KCTD16: variants seen among roughly 807,000 people sequenced by gnomAD.
KCTD16 encodes BTB/POZ domain-containing protein KCTD16.
KCTD16 carries 13 observed loss-of-function variants against 33.2 expected under a neutral mutation model. The ratio of observed to expected loss-of-function variants is 0.39; its 90% confidence interval spans 0.25 to 0.62. The LOEUF (loss-of-function observed/expected upper bound fraction) is 0.62. KCTD16 is among the 20% of genes least tolerant of loss of function. The pLI, the probability that KCTD16 is intolerant of heterozygous loss-of-function variation, is 0.50. For missense variants in KCTD16, 441 were observed against 525.1 expected (o/e 0.84, Z 1.57); for synonymous variants, 197 against 195.3 (o/e 1.01, Z -0.07).
chr5:144,411,686 A>G (rs985809328), intron 3 of KCTD16, among the ~76,000 whole-genome samples: 1 of 152,186 alleles, frequency 6.6e-6, no homozygotes, highest in Non-Finnish European at 1.5e-5. Context: ...CGGCAAATAG[A>G]ATTACATCAA....
intron 3 of KCTD16, among the ~76,000 whole-genome samples, chr5:144,214,478 A>G (rs1199175459): frequency 6.6e-6 from 1 of 152,126 alleles, no homozygotes. Flanking sequence ...TTTAACATGA[A>G]CCACATCCTT....
chr5:144,399,839 T>C lies in KCTD16; in HGVS notation c.833-73821T>C, dbSNP rs547481259. ...GCTTGATGTGAGCAAAGATCTAAGA[T>C]TGATTCTATCTCTGATAGCAGAGAA... On this transcript the variant is annotated intron_variant, in intron 3 of 3. Coordinates refer to ENST00000512467, the MANE Select transcript of KCTD16 (RefSeq NM_020768.4). Among the ~76,000 whole-genome samples, 14 of 152,324 alleles carry C rather than the reference T, an allele frequency of 9.2e-5. No individual in the cohort carries two copies. In the South Asian group the frequency reaches 2.5e-3, roughly 27 times the overall value.
At chr5:144,235,784 A>C (rs1382642594) in intron 3 of KCTD16, among the ~76,000 whole-genome samples, 9 of 152,130 alleles carry the variant, frequency 5.9e-5, no homozygotes, top group Non-Finnish European at 1.3e-4. Context: ...CCATGGAAAT[A>C]AGGCTTATGC....
intron 3 of KCTD16, among the ~76,000 whole-genome samples, chr5:144,299,127 TATATATATATATATATA>T (rs1561558651): frequency 1.1e-4 from 3 of 26,192 alleles, no homozygotes; most frequent in African/African-American, 6.9e-4. Context: ...TATATATATA[TATATATATATATATATA>T]TATATTTTTT....
chr5:144,237,110 C>G (rs533373481), intron 3 of KCTD16, among the ~76,000 whole-genome samples: 21 of 152,120 alleles, frequency 1.4e-4, no homozygotes, highest in African/African-American at 5.1e-4. Flanking sequence ...GTTCTAGGTT[C>G]TTGGGCATTC....
chr5:144,215,158 A>G (rs1456993931), intron 3 of KCTD16, among the ~76,000 whole-genome samples: 3 of 152,054 alleles, frequency 2.0e-5, no homozygotes, highest in Non-Finnish European at 4.4e-5. Context: ...AAGGTGCTCT[A>G]CTCTTCGCAC....
intron 2 of KCTD16, among the ~76,000 whole-genome samples, chr5:144,187,912 G>A (rs1045398872): frequency 3.3e-5 from 5 of 152,114 alleles, no homozygotes; most frequent in Non-Finnish European, 7.4e-5. Context: ...AAAAATATTT[G>A]CACAAGCCAT....
intron 3 of KCTD16, among the ~76,000 whole-genome samples, chr5:144,444,209 C>T (rs1046821028): frequency 2.0e-5 from 3 of 149,918 alleles, no homozygotes; most frequent in African/African-American, 5.1e-5. Flanking sequence ...ACCCCTCCCC[C>T]CTCCACACAC....
chr5:144,461,931 G>A (rs960054488), intron 3 of KCTD16, among the ~76,000 whole-genome samples: 1 of 152,128 alleles, frequency 6.6e-6, no homozygotes, highest in Non-Finnish European at 1.5e-5. Flanking sequence ...CAGAAAGACT[G>A]CCAGAACTTC....
At chr5:144,242,331 A>G (rs1282995818) in intron 3 of KCTD16, among the ~76,000 whole-genome samples, 1 of 152,102 alleles carries the variant, frequency 6.6e-6, no homozygotes, top group Non-Finnish European at 1.5e-5. Context: ...TAAGCATTTC[A>G]CCATATGGTA....
chr5:144,484,306 A>G lies in KCTD16; in HGVS notation c.*10192A>G, dbSNP rs942079819. 2 of 151,894 alleles carry G rather than the reference A, an allele frequency of 1.3e-5. No individual in the cohort carries two copies. The highest frequency in any genetic ancestry group is 4.8e-5 in the African/African-American group (2 of 41,400). 9.4% of individuals were successfully genotyped at this position (151,894 alleles called of 1,614,324 possible). On this transcript the variant is annotated 3_prime_UTR_variant, in exon 4 of 4. Coordinates refer to ENST00000512467, the MANE Select transcript of KCTD16 (RefSeq NM_020768.4). Reference sequence around the variant, plus strand: ...GCTGCACTTCAGAGAGTCCCACTGTAATCTGTTAATAGAATCTGCTTTAAA... The same window carrying G: ...GCTGCACTTCAGAGAGTCCCACTGTGATCTGTTAATAGAATCTGCTTTAAA...
intron 3 of KCTD16, among the ~76,000 whole-genome samples, chr5:144,238,809 C>G (rs979607230): frequency 3.3e-5 from 5 of 152,060 alleles, no homozygotes; most frequent in African/African-American, 1.2e-4. Context: ...TGAGCTATGC[C>G]CATTCATCTA....
chr5:144,330,010 C>T (rs937314408), intron 3 of KCTD16, among the ~76,000 whole-genome samples: 3 of 152,116 alleles, frequency 2.0e-5, no homozygotes, highest in African/African-American at 4.8e-5. Flanking sequence ...TCACCAAGTC[C>T]ATTAAAGTAG....
Position 144,335,698 on chromosome 5 carries a change from T to A in KCTD16, c.832+128152T>A, listed in dbSNP as rs539738964. Among the ~76,000 whole-genome samples, 3 of 152,006 alleles carry A rather than the reference T, an allele frequency of 2.0e-5. No homozygotes were observed. In the South Asian group the frequency reaches 6.2e-4, roughly 32 times the overall value. ...GAATCATAAAAAATGAAGCAGAACCTCTCAGAAAGAAAAACCAATATTGAA... is the reference window on the plus strand; with the variant it reads ...GAATCATAAAAAATGAAGCAGAACCACTCAGAAAGAAAAACCAATATTGAA... On this transcript the variant is annotated intron_variant, in intron 3 of 3. Coordinates refer to ENST00000512467, the MANE Select transcript of KCTD16 (RefSeq NM_020768.4).
chr5:144,422,918 A>C (rs1028462641), intron 3 of KCTD16, among the ~76,000 whole-genome samples: 2 of 152,190 alleles, frequency 1.3e-5, no homozygotes, highest in African/African-American at 4.8e-5. Flanking sequence ...GTGAGCATCT[A>C]CAGGGGGAGG....
At chr5:144,257,053 T>A (rs1192517259) in intron 3 of KCTD16, among the ~76,000 whole-genome samples, 1 of 152,244 alleles carries the variant, frequency 6.6e-6, no homozygotes, top group Non-Finnish European at 1.5e-5. Context: ...ATCACCAAGA[T>A]ACTTTTTGTG....
chr5:144,235,502 T>G (rs1166575398), intron 3 of KCTD16, among the ~76,000 whole-genome samples: 1 of 152,094 alleles, frequency 6.6e-6, no homozygotes, highest in Non-Finnish European at 1.5e-5. Flanking sequence ...ACAAGTTACT[T>G]AAACTCTTGG....
chr5:144,379,202 C>A (rs1377795418), intron 3 of KCTD16, among the ~76,000 whole-genome samples: 1 of 152,132 alleles, frequency 6.6e-6, no homozygotes, highest in East Asian at 1.9e-4. Flanking sequence ...CATTTTTATG[C>A]CTGCTCTTTG....
chr5:144,243,631 A>G (rs1754464137), intron 3 of KCTD16, among the ~76,000 whole-genome samples: 1 of 152,132 alleles, frequency 6.6e-6, no homozygotes, highest in African/African-American at 2.4e-5. Context: ...CAGAGGATTT[A>G]TTTTTACTTA....
Sources: allele counts gnomAD v4.1 joint callset (sites outside exome capture counted in the v4.1 genomes callset), GRCh38; gene constraint gnomAD v4.1.1; transcripts MANE v1.5; gene names NCBI Gene and HGNC (gene_info 2026-07-23, HGNC 2026-07-21).